Variants in NRG1 observed in about 807,000 individuals in gnomAD.
The protein encoded by NRG1 is pro-neuregulin-1, membrane-bound isoform.
A neutral mutation model predicts 63.8 loss-of-function variants in NRG1; 18 were observed. The ratio of observed to expected loss-of-function variants is 0.28; its 90% CI spans 0.19 to 0.42. The LOEUF is 0.42. NRG1 is among the 10% of genes least tolerant of loss of function. The pLI is 1.00. For missense variants in NRG1, 762 were observed against 814.7 expected (o/e 0.94, Z 0.79); for synonymous variants, 302 against 301.3 (o/e 1.00, Z -0.02).
At chr8:32,306,603 G>A (rs1856211999) in intron 1 of NRG1, among the ~76,000 whole-genome samples, 1 of 152,158 alleles carries the variant, frequency 6.6e-6, no homozygotes, top group South Asian at 2.1e-4. Context: ...TACATTATAT[G>A]ATGCTTTCTC....
At chr8:32,237,400 T>C (rs963600141) in intron 1 of NRG1, among the ~76,000 whole-genome samples, 1 of 152,196 alleles carries the variant, frequency 6.6e-6, no homozygotes, top group Admixed American at 6.5e-5. Context: ...AGAATTGCTT[T>C]TTTTTTCTGG....
chr8:32,709,824 G>A (rs575288175), intron 5 of NRG1, among the ~76,000 whole-genome samples: 2 of 152,104 alleles, frequency 1.3e-5, no homozygotes, highest in South Asian at 4.1e-4. Flanking sequence ...ATAGTCAATT[G>A]AATAAAATTT....
intron 1 of NRG1, among the ~76,000 whole-genome samples, chr8:32,205,264 A>G (rs944144190): frequency 1.3e-5 from 2 of 152,172 alleles, no homozygotes; most frequent in African/African-American, 2.4e-5. Flanking sequence ...TACTTATGTA[A>G]TCAAAGGTGC....
intron 1 of NRG1, among the ~76,000 whole-genome samples, chr8:31,759,756 G>A (rs1288891876): frequency 2.6e-5 from 4 of 152,090 alleles, no homozygotes; most frequent in Non-Finnish European, 5.9e-5. Flanking sequence ...AGCTGGCTCA[G>A]AGTTTGATTG....
intron 1 of NRG1, among the ~76,000 whole-genome samples, chr8:32,471,728 G>A (rs1823875993): frequency 6.6e-6 from 1 of 152,078 alleles, no homozygotes; most frequent in Admixed American, 6.6e-5. Flanking sequence ...AGAAAAAAAT[G>A]TACTTGTTCA....
chr8:31,712,321 A>G (rs959000282), intron 1 of NRG1, among the ~76,000 whole-genome samples: 5 of 131,356 alleles, frequency 3.8e-5, no homozygotes, highest in African/African-American at 1.2e-4. Context: ...GCTGGAGTAC[A>G]GTGGTGCATT....
At chr8:32,476,535 G>A (rs1293044875) in intron 1 of NRG1, among the ~76,000 whole-genome samples, 1 of 152,176 alleles carries the variant, frequency 6.6e-6, no homozygotes, top group Admixed American at 6.5e-5. Context: ...TATGGGTGGG[G>A]ACCATGTGAT....
At chr8:32,609,645 G>T (rs1288566984) in intron 3 of NRG1, among the ~76,000 whole-genome samples, 2 of 80,878 alleles carry the variant, frequency 2.5e-5, no homozygotes, top group Admixed American at 1.7e-4. Context: ...CCCTCTGTCT[G>T]TCTCTCTCTC....
chr8:32,020,876 T>C (rs990430077), intron 1 of NRG1, among the ~76,000 whole-genome samples: 1 of 152,004 alleles, frequency 6.6e-6, no homozygotes, highest in Non-Finnish European at 1.5e-5. Context: ...CTTTAAATTT[T>C]AAGCAATTTT....
At chr8:32,437,391 ATTCCTCCCTCC>A (rs1465035337) in intron 1 of NRG1, among the ~76,000 whole-genome samples, 2 of 152,114 alleles carry the variant, frequency 1.3e-5, no homozygotes, top group African/African-American at 2.4e-5. Context: ...CTAAGGAAGT[ATTCCTCCCTCC>A]TTTATGTGCA....
At chr8:32,173,845 T>A (rs1188336000) in intron 1 of NRG1, among the ~76,000 whole-genome samples, 2 of 152,050 alleles carry the variant, frequency 1.3e-5, no homozygotes, top group Non-Finnish European at 2.9e-5. Flanking sequence ...ATAAAGCAAG[T>A]CCTTAGAGAC....
At chr8:32,597,177 C>T (rs1843504501) in intron 2 of NRG1, among the ~76,000 whole-genome samples, 1 of 152,188 alleles carries the variant, frequency 6.6e-6, no homozygotes, top group Non-Finnish European at 1.5e-5. Flanking sequence ...TCTGCACTCA[C>T]ATCTCACAGG....
intron 1 of NRG1, among the ~76,000 whole-genome samples, chr8:32,518,799 GA>G (rs1050602112): frequency 6.6e-6 from 1 of 152,118 alleles, no homozygotes; most frequent in Non-Finnish European, 1.5e-5. Context: ...TAACAGTGGG[GA>G]AAAAAGTTGA....
chr8:31,931,298 A>ATAAC (rs1834841486), intron 1 of NRG1, among the ~76,000 whole-genome samples: 1 of 152,122 alleles, frequency 6.6e-6, no homozygotes, highest in African/African-American at 2.4e-5. Context: ...AAATAAATAA[A>ATAAC]TAAATGACAC....
At chr8:32,670,682 G>A (rs1177392904) in intron 5 of NRG1, among the ~76,000 whole-genome samples, 1 of 152,124 alleles carries the variant, frequency 6.6e-6, no homozygotes, top group Non-Finnish European at 1.5e-5. Flanking sequence ...TAAGTACTTT[G>A]ACATATGTTA....
chr8:31,978,295 AATG>A (rs1275729578), intron 1 of NRG1, among the ~76,000 whole-genome samples: 1 of 152,082 alleles, frequency 6.6e-6, no homozygotes, highest in Non-Finnish European at 1.5e-5. Context: ...AAATATTAGA[AATG>A]ATGATATGTT....
rs564885893 is a variant in NRG1 at position 31,665,619 on chromosome 8, A to G, written c.37+26188A>G. Among the ~76,000 whole-genome samples the G allele has an allele frequency of 2.0e-5, 3 of 152,360 alleles. No homozygotes were observed. In the East Asian group the frequency reaches 5.8e-4, roughly 29 times the overall value. The stretch of plus-strand genomic sequence containing the variant: ...TAGCATTTTAAACTAGATTACTTTT[A>G]GCTTAGGTCTGCATCTGAAAATCAG... On this transcript the variant is annotated intron_variant, in intron 1 of 10. Coordinates refer to the NRG1 transcript ENST00000519301.
intron 1 of NRG1, among the ~76,000 whole-genome samples, chr8:31,774,385 T>C (rs1818916757): frequency 6.6e-6 from 1 of 152,216 alleles, no homozygotes; most frequent in African/African-American, 2.4e-5. Flanking sequence ...TGTTGGCTTA[T>C]TTCCTGCCTT....
intron 1 of NRG1, among the ~76,000 whole-genome samples, chr8:31,999,682 A>G (rs1014285627): frequency 3.3e-5 from 5 of 152,006 alleles, no homozygotes; most frequent in African/African-American, 1.2e-4. Context: ...AATATAAAGC[A>G]CTGAGTTAAA....
Sources: allele counts gnomAD v4.1 joint callset (sites outside exome capture counted in the v4.1 genomes callset), GRCh38; gene constraint gnomAD v4.1.1; transcripts MANE v1.5; gene names NCBI Gene and HGNC (gene_info 2026-07-23, HGNC 2026-07-21).